The following TBPL2 variants were observed in gnomAD, a reference collection of about 807,000 sequenced individuals.
TBPL2 encodes TATA box-binding protein-like 2.
Under a neutral mutation model 38.2 loss-of-function variants are expected in TBPL2, and 40 were observed. The ratio of observed to expected loss-of-function variants is 1.05; its 90% CI spans 0.81 to 1.36. TBPL2 has a LOEUF of 1.36. TBPL2 is among the 40% of genes most tolerant of loss of function. TBPL2 has a pLI of 0.00. For missense variants in TBPL2, 461 were observed against 456.7 expected (o/e 1.01, Z -0.09); for synonymous variants, 169 against 171.7 (o/e 0.98, Z 0.12).
intron 3 of TBPL2, among the ~76,000 whole-genome samples, chr14:55,434,152 A>G (rs1238758350): frequency 6.6e-6 from 1 of 152,236 alleles, no homozygotes; most frequent in South Asian, 2.1e-4. Context: ...TGGGAAAAAA[A>G]TAAGTATGTT....
intron 4 of TBPL2, among the ~76,000 whole-genome samples, chr14:55,430,456 G>C (rs1391603424): frequency 6.6e-6 from 1 of 150,770 alleles, no homozygotes; most frequent in Non-Finnish European, 1.5e-5. Flanking sequence ...ACCCAGGCTG[G>C]AGTGCAGTGG....
At chr14:55,435,314 T>C (rs1885996302) in intron 3 of TBPL2, among the ~76,000 whole-genome samples, 1 of 151,648 alleles carries the variant, frequency 6.6e-6, no homozygotes, top group Non-Finnish European at 1.5e-5. Context: ...GTCTCGCTGT[T>C]ACCCAGGCTG....
chr14:55,431,490 CT>C lies in TBPL2; in HGVS notation c.788+2139del, dbSNP rs1885924757. 1.3e-5 allele frequency among the ~76,000 whole-genome samples: 2 copies of C among 152,184 alleles called. 1 individual carries two copies. The highest frequency in any genetic ancestry group is 4.1e-4 in the South Asian group (2 of 4,826). On this transcript the variant is annotated intron_variant, in intron 4 of 6. Transcript: ENST00000247219. ...GTACTATATGGCTAATACAATTTTA[CT>C]TTATGACTTCAAATTGAAACCCTAT...
chr14:55,430,320 C>G (rs1024508889), intron 4 of TBPL2, among the ~76,000 whole-genome samples: 1 of 150,708 alleles, frequency 6.6e-6, no homozygotes, highest in Non-Finnish European at 1.5e-5. Context: ...AGATCCTTCA[C>G]CAACACTGCC....
At position 55,431,141 on chromosome 14, in the gene TBPL2, A is replaced by C. The variant is rs1259504059; in HGVS notation, c.789-2167T>G. On this transcript the variant is annotated intron_variant, in intron 4 of 6. Transcript: ENST00000247219. The stretch of plus-strand genomic sequence containing the variant: ...TCCCTCATACTCTTGCTGTTACAAC[A>C]AAAGAGAATAGGTTTGGATAAAATG... 2.0e-5 allele frequency among the ~76,000 whole-genome samples: 3 copies of C among 152,260 alleles called. No individual in the cohort carries two copies. The East Asian group carries it at 5.8e-4, about 29-fold the overall frequency.
At chr14:55,418,441 G>T (rs1031602225) in intron 6 of TBPL2, among the ~76,000 whole-genome samples, 1 of 152,172 alleles carries the variant, frequency 6.6e-6, no homozygotes, top group African/African-American at 2.4e-5. Flanking sequence ...TGCCACAGTC[G>T]TGTGTGTATA....
chr14:55,423,668 G>T (rs552142564), intron 6 of TBPL2, among the ~76,000 whole-genome samples: 4 of 152,272 alleles, frequency 2.6e-5, no homozygotes, highest in Admixed American at 2.6e-4. Flanking sequence ...ATTATGTCAC[G>T]ATATGAAATT....
intron 4 of TBPL2, among the ~76,000 whole-genome samples, chr14:55,429,184 T>G (rs1267710967): frequency 6.6e-6 from 1 of 152,236 alleles, no homozygotes; most frequent in Non-Finnish European, 1.5e-5. Context: ...TTGAACAGAA[T>G]CATAAATTTT....
At chr14:55,418,218 G>T (rs1454956603) in intron 6 of TBPL2, among the ~76,000 whole-genome samples, 1 of 152,222 alleles carries the variant, frequency 6.6e-6, no homozygotes, top group Non-Finnish European at 1.5e-5. Context: ...GCCAGATGGG[G>T]AGTATATTAG....
intron 5 of TBPL2, among the ~76,000 whole-genome samples, chr14:55,424,592 C>CAT (rs1885792792): frequency 1.3e-5 from 2 of 152,168 alleles, no homozygotes; most frequent in Admixed American, 6.6e-5. Context: ...AATAAGAATA[C>CAT]ATAATCATGT....
At chr14:55,420,787 C>G (rs147186904) in intron 6 of TBPL2, among the ~76,000 whole-genome samples, 1 of 151,938 alleles carries the variant, frequency 6.6e-6, no homozygotes, top group African/African-American at 2.4e-5. Flanking sequence ...GGGTTGGGTG[C>G]GGTGGCTCAC....
intron 5 of TBPL2, among the ~76,000 whole-genome samples, chr14:55,426,891 C>G (rs925698338): frequency 5.3e-5 from 8 of 152,164 alleles, no homozygotes; most frequent in African/African-American, 1.9e-4. Context: ...TAGATCTGCT[C>G]TGCAAGGAAG....
exon 7 of TBPL2, chr14:55,414,213 TGAATAA>T (rs1159873990): frequency 1.7e-6 from 1 of 585,064 alleles, no homozygotes; most frequent in Non-Finnish European, 3.0e-6. Context: ...GGAGTCATTT[TGAATAA>T]GAATTTTTCT....
At chr14:55,427,330 CAT>C (rs908779219) in intron 5 of TBPL2, among the ~76,000 whole-genome samples, 1 of 152,002 alleles carries the variant, frequency 6.6e-6, no homozygotes. Context: ...GAAAAATAAA[CAT>C]GTCAAAAGAA....
chr14:55,430,003 C>A (rs80180399), intron 4 of TBPL2, among the ~76,000 whole-genome samples: 1 of 152,044 alleles, frequency 6.6e-6, no homozygotes, highest in South Asian at 2.1e-4. Flanking sequence ...AAACTCAACA[C>A]AAGAAGGACA....
chr14:55,418,011 A>T (rs1885692133), intron 6 of TBPL2, among the ~76,000 whole-genome samples: 2 of 152,222 alleles, frequency 1.3e-5, no homozygotes, highest in Non-Finnish European at 2.9e-5. Context: ...GTTGTGATAA[A>T]GGATGTGAGC....
At chr14:55,414,588 T>A (rs576029279) in intron 6 of TBPL2, 133 bp from the exon 7 acceptor site, 1 of 636,716 alleles carries the variant, frequency 1.6e-6, no homozygotes, top group African/African-American at 1.9e-5. Flanking sequence ...AGAAATGGCA[T>A]TTATTCCGGG....
chr14:55,427,666 A>AT (rs954200476), intron 5 of TBPL2, among the ~76,000 whole-genome samples: 23 of 152,074 alleles, frequency 1.5e-4, no homozygotes, highest in African/African-American at 5.3e-4. Context: ...GTCACCCTCC[A>AT]TCCCTGCTCT....
In TBPL2 at chr14:55,424,181, T is replaced by TA; in HGVS notation, c.1028dup (p.Ser344IlefsTer14). The TA allele has an allele frequency of 6.2e-7, 1 of 1,613,272 alleles. No homozygotes were observed. The highest frequency in any genetic ancestry group is 1.1e-5 in the South Asian group (1 of 91,018). The stretch of plus-strand genomic sequence containing the variant: ...TACCTGTCAACACAACTTTTCCAGA[T>TA]ACAAAGATAAGCAACACAATTCGTG... On this transcript the variant is annotated frameshift_variant, in exon 6 of 7. Coordinates refer to ENST00000247219, the Ensembl canonical transcript of TBPL2. LOFTEE classifies it high-confidence loss of function.
Sources: gnomAD v4.1 joint callset for allele counts (sites outside exome capture counted in the v4.1 genomes callset) on GRCh38, gnomAD v4.1.1 for gene constraint, MANE v1.5 for transcripts, NCBI Gene and HGNC (gene_info 2026-07-23, HGNC 2026-07-21) for gene names.